The following CNTN5 variants were observed in gnomAD, a reference collection of about 807,000 sequenced individuals.
CNTN5 encodes the protein contactin 5.
In CNTN5, 77 loss-of-function variants were observed where a neutral mutation model predicts 129.1. That is an observed-to-expected ratio of 0.60 (90% confidence interval 0.50 to 0.72). CNTN5 has a LOEUF of 0.72. CNTN5 is among the 30% of genes least tolerant of loss of function. CNTN5 has a pLI of 0.00. For synonymous variants in CNTN5, 509 were observed against 465.6 expected, an observed-to-expected ratio of 1.09 and a Z score of -1.20; for missense variants, 1,478 against 1,328.8, an observed-to-expected ratio of 1.11 and a Z score of -1.75.
At chr11:99,822,030 G>A (rs974140755) in intron 4 of CNTN5, among the ~76,000 whole-genome samples, 1 of 152,124 alleles carries the variant, frequency 6.6e-6, no homozygotes, top group African/African-American at 2.4e-5. Flanking sequence ...TCTGACAAGA[G>A]TCTGACGTAT....
rs375342087 is a variant in CNTN5 at position 99,650,410 on chromosome 11, C to T, written c.55+94141C>T. Among the ~76,000 whole-genome samples, 5 of 152,010 alleles carry T rather than the reference C, an allele frequency of 3.3e-5. No individual in the cohort carries two copies. In the East Asian group the frequency reaches 7.7e-4, roughly 23 times the overall value. ...TAAAGCTATGATAACATAAATAACG[C>T]ATCAGTCTCTATTATACTAATCATC... On this transcript the variant is annotated intron_variant, in intron 3 of 24. Coordinates refer to ENST00000524871, the MANE Select transcript of CNTN5 (RefSeq NM_014361.4).
chr11:99,608,191 T>C (rs1950487081), intron 3 of CNTN5, among the ~76,000 whole-genome samples: 2 of 152,034 alleles, frequency 1.3e-5, no homozygotes, highest in Admixed American at 1.3e-4. Context: ...TGAAAAGTCA[T>C]AATTTTCAAT....
At chr11:99,956,275 T>G (rs1950800243) in intron 7 of CNTN5, among the ~76,000 whole-genome samples, 1 of 152,182 alleles carries the variant, frequency 6.6e-6, no homozygotes, top group Non-Finnish European at 1.5e-5. Context: ...CCAATGAACT[T>G]AAACTTAATT....
chr11:99,628,629 C>CAT (rs1951220771), intron 3 of CNTN5, among the ~76,000 whole-genome samples: 4 of 151,128 alleles, frequency 2.6e-5, no homozygotes, highest in Non-Finnish European at 4.4e-5. Flanking sequence ...CACACACACA[C>CAT]ACACACACAC....
chr11:100,149,893 C>CAAAAAA (rs36016957), intron 13 of CNTN5, among the ~76,000 whole-genome samples: 3 of 116,982 alleles, frequency 2.6e-5, no homozygotes, highest in Non-Finnish European at 3.5e-5. Flanking sequence ...GACTCCATCT[C>CAAAAAA]AAAAAAAAAA....
chr11:99,824,116 G>A (rs1438697281), intron 4 of CNTN5, among the ~76,000 whole-genome samples: 1 of 151,844 alleles, frequency 6.6e-6, no homozygotes, highest in Non-Finnish European at 1.5e-5. Flanking sequence ...CATGTCAAAT[G>A]GATTTTTTCA....
intron 13 of CNTN5, among the ~76,000 whole-genome samples, chr11:100,089,996 G>A (rs757482619): frequency 3.3e-5 from 5 of 152,002 alleles, no homozygotes; most frequent in African/African-American, 9.7e-5. Flanking sequence ...CATGGCAGAC[G>A]TTTACCTATG....
chr11:99,949,568 C>T (rs1950627051), intron 7 of CNTN5, among the ~76,000 whole-genome samples: 1 of 152,142 alleles, frequency 6.6e-6, no homozygotes, highest in Non-Finnish European at 1.5e-5. Context: ...CTCTTGCACA[C>T]TGTTGAGTAA....
rs1304418789 is a variant in CNTN5 at position 99,819,559 on chromosome 11, T to C, written c.71T>C (p.Leu24Pro). ...TMCLSEYSKSLPGLSTSYAAL... is the reference protein window; with the variant it reads ...TMCLSEYSKSPPGLSTSYAAL... ...TCTCTTACAGAGTATTCAAAATCTC[T>C]TCCTGGTCTCTCCACTTCATATGCT... Residue 24 changes from leucine to proline, a missense_variant, in exon 4 of 25, where the codon CTT becomes CCT. Coordinates refer to ENST00000524871, the MANE Select transcript of CNTN5 (RefSeq NM_014361.4). The C allele has an allele frequency of 1.9e-6, 3 of 1,611,810 alleles. No individual in the cohort carries two copies. The highest frequency in any genetic ancestry group is 2.2e-5 in the East Asian group (1 of 44,804).
intron 3 of CNTN5, among the ~76,000 whole-genome samples, chr11:99,769,766 A>C (rs1057181291): frequency 1.3e-5 from 2 of 151,114 alleles, no homozygotes; most frequent in African/African-American, 2.4e-5. Context: ...CTGAGCTTCA[A>C]CATCTCGCCA....
In CNTN5 at chr11:100,039,624, G is replaced by T. The variant is rs542257088; in HGVS notation, c.981-21588G>T. ...GGTACACTAATCAGACATAGATTTGGTCTTTTCACATAGTCCCATATTTCT... is the reference window on the plus strand; with the variant it reads ...GGTACACTAATCAGACATAGATTTGTTCTTTTCACATAGTCCCATATTTCT... On this transcript the variant is annotated intron_variant, in intron 9 of 24. Transcript: ENST00000524871. Among the ~76,000 whole-genome samples, 80 of 152,188 alleles carry T rather than the reference G, an allele frequency of 5.3e-4. 1 individual carries two copies. Among genetic ancestry groups the T allele is most frequent in the African/African-American group, 1.9e-3 (79 of 41,516 alleles).
At chr11:99,679,347 G>C (rs995573160) in intron 3 of CNTN5, among the ~76,000 whole-genome samples, 4 of 151,854 alleles carry the variant, frequency 2.6e-5, no homozygotes, top group Non-Finnish European at 5.9e-5. Flanking sequence ...ATTGAAGGTT[G>C]TGATAACCCT....
At chr11:99,597,139 A>T (rs1366912743) in intron 3 of CNTN5, among the ~76,000 whole-genome samples, 1 of 152,176 alleles carries the variant, frequency 6.6e-6, no homozygotes, top group Non-Finnish European at 1.5e-5. Flanking sequence ...TTGTAAGAGG[A>T]TATATTAAAC....
intron 1 of CNTN5, among the ~76,000 whole-genome samples, chr11:99,215,338 G>A (rs1445733147): frequency 1.3e-5 from 2 of 152,158 alleles, no homozygotes; most frequent in East Asian, 1.9e-4. Flanking sequence ...TGAGGAGGCT[G>A]CTGACATAAT....
At chr11:100,083,682 T>C (rs1944447511) in intron 13 of CNTN5, among the ~76,000 whole-genome samples, 1 of 148,126 alleles carries the variant, frequency 6.8e-6, no homozygotes, top group Non-Finnish European at 1.5e-5. Flanking sequence ...AATAATTCCA[T>C]TTTCAACAGT....
At chr11:100,307,502 GA>G (rs375698093) in intron 20 of CNTN5, among the ~76,000 whole-genome samples, 332 of 131,208 alleles carry the variant, frequency 2.5e-3, no homozygotes, top group African/African-American at 9.8e-3. Flanking sequence ...ATGCCAGTCA[GA>G]AATTGTGTAT....
chr11:100,032,475 A>G (rs1941763685), intron 9 of CNTN5, among the ~76,000 whole-genome samples: 1 of 152,084 alleles, frequency 6.6e-6, no homozygotes. Flanking sequence ...ATCTTCTTAC[A>G]TATATTTGTG....
At chr11:99,682,394 G>A (rs1174500715) in intron 3 of CNTN5, among the ~76,000 whole-genome samples, 1 of 151,954 alleles carries the variant, frequency 6.6e-6, no homozygotes, top group East Asian at 1.9e-4. Flanking sequence ...AAGCCAGTTA[G>A]TACAATGCTA....
chr11:100,048,416 C>T (rs1265428454), intron 9 of CNTN5, among the ~76,000 whole-genome samples: 2 of 151,998 alleles, frequency 1.3e-5, no homozygotes, highest in African/African-American at 4.8e-5. Flanking sequence ...ATTGTGTGAG[C>T]CAATTCCCAT....
Sources: allele counts gnomAD v4.1 joint callset (sites outside exome capture counted in the v4.1 genomes callset), GRCh38; gene constraint gnomAD v4.1.1; transcripts MANE v1.5; gene names NCBI Gene and HGNC (gene_info 2026-07-23, HGNC 2026-07-21).